Variants in XPOT observed in about 807,000 individuals in gnomAD.
The protein encoded by XPOT is exportin for tRNA, also known as exportin-T.
A neutral mutation model predicts 128.2 loss-of-function variants in XPOT; 34 were observed. The ratio of observed to expected loss-of-function variants is 0.27; its 90% CI spans 0.20 to 0.35. XPOT has a LOEUF of 0.35. Ranked by LOEUF, XPOT falls within the 10% of genes least tolerant of loss-of-function variation. The pLI is 1.00. For missense variants in XPOT, 838 were observed against 1,125.3 expected (o/e 0.74, Z 3.65); for synonymous variants, 348 against 394.3 (o/e 0.88, Z 1.39).
chr12:64,429,940 A>G, intron 16 of XPOT, 109 bp from the exon 17 acceptor site: 1 of 1,009,204 alleles, frequency 9.9e-7, no homozygotes, highest in Non-Finnish European at 1.4e-6. Flanking sequence ...AGTATTTGAC[A>G]TATGAGTTGG....
chr12:64,424,710 A>C lies in XPOT; in HGVS notation c.1294A>C (p.Ser432Arg). 5 of 1,613,832 alleles carry C rather than the reference A, an allele frequency of 3.1e-6. No individual in the cohort carries two copies. Among genetic ancestry groups the C allele is most frequent in the Non-Finnish European group, 4.2e-6 (5 of 1,179,980 alleles). The part of the protein sequence containing the change: ...LLLASVRRVF[S>R]STLQNWQTTR... ...ACTGGCCTCTGTTCGCAGAGTTTTT[A>C]GTTCTACACTGCAGTAAGTTTGTCA... Residue 432 changes from serine (S) to arginine (R), a missense_variant, in exon 12 of 25, where the codon AGT (serine) becomes CGT (arginine). This residue lies in a region of XPOT where 761 missense variants were observed against 988.3 expected (regional missense o/e 0.77). Transcript: ENST00000332707.
Position 64,450,936 on chromosome 12 carries a change from A to G in XPOT, c.*2805A>G, listed in dbSNP as rs1341258182. On this transcript the variant is annotated 3_prime_UTR_variant, in exon 25 of 25. Coordinates refer to ENST00000332707, the MANE Select transcript of XPOT (RefSeq NM_007235.6). ...TGAATGAAGGCCTGTGGCTCAGTTAATCACTCCCACAACTTTGAGCTGTGA... is the reference window on the plus strand; with the variant it reads ...TGAATGAAGGCCTGTGGCTCAGTTAGTCACTCCCACAACTTTGAGCTGTGA... 2 of 152,228 alleles carry G rather than the reference A, an allele frequency of 1.3e-5. No homozygotes were observed. The highest frequency in any genetic ancestry group is 4.8e-5 in the African/African-American group (2 of 41,458). 9.4% of individuals were successfully genotyped at this position (152,228 alleles called of 1,614,324 possible).
chr12:64,441,819 G>A (rs1441790850), intron 23 of XPOT, among the ~76,000 whole-genome samples: 5 of 151,968 alleles, frequency 3.3e-5, no homozygotes, highest in African/African-American at 1.2e-4. Context: ...TTCCTGAGTA[G>A]CTGGGATTAC....
chr12:64,429,133 A>C (rs971310557), intron 16 of XPOT, among the ~76,000 whole-genome samples: 1 of 152,228 alleles, frequency 6.6e-6, no homozygotes, highest in Non-Finnish European at 1.5e-5. Flanking sequence ...TTTCTTGTGT[A>C]CATGCAGTGT....
At chr12:64,433,099 C>G (rs1264688283) in intron 18 of XPOT, among the ~76,000 whole-genome samples, 1 of 152,118 alleles carries the variant, frequency 6.6e-6, no homozygotes, top group Non-Finnish European at 1.5e-5. Context: ...GCGTGCGCCA[C>G]TACACCCAGC....
intron 24 of XPOT, among the ~76,000 whole-genome samples, chr12:64,446,066 TTTTG>T (rs1404452839): frequency 6.6e-6 from 1 of 152,198 alleles, no homozygotes; most frequent in African/African-American, 2.4e-5. Flanking sequence ...GAGGGCTTGT[TTTTG>T]TTTATCATTG....
chr12:64,433,630 G>T, intron 19 of XPOT, 27 bp downstream of exon 19: 3 of 1,552,536 alleles, frequency 1.9e-6, no homozygotes, highest in Non-Finnish European at 2.6e-6. Context: ...TATCTAATTT[G>T]TCTGCTTAAG....
At chr12:64,444,652 T>G (rs61931558) in intron 23 of XPOT, among the ~76,000 whole-genome samples, 18,033 of 151,720 alleles carry the variant, frequency 0.12, 1,220 homozygotes, top group Middle Eastern at 0.22. Flanking sequence ...TAGGGGAAAA[T>G]GGGGAGTTCT....
chr12:64,419,661 C>G (rs1303735832), intron 6 of XPOT, among the ~76,000 whole-genome samples: 1 of 152,136 alleles, frequency 6.6e-6, no homozygotes, highest in Non-Finnish European at 1.5e-5. Context: ...AGTTGATTTT[C>G]TTTTATGAAT....
At position 64,420,638 on chromosome 12, in the gene XPOT, A is replaced by T. The variant is rs564955994; in HGVS notation, c.843+117A>T. On this transcript the variant is annotated intron_variant, in intron 8 of 24. Transcript: ENST00000332707. ...CTAAATGTTATAAACTCCCCTTGAG[A>T]TTATAATATAAACCACTGCATCTAG... 8 of 791,850 alleles carry T rather than the reference A, an allele frequency of 1.0e-5. No homozygotes were observed. In the East Asian group the frequency reaches 1.6e-4, roughly 16 times the overall value. 49.1% of individuals were successfully genotyped at this position (791,850 alleles called of 1,614,324 possible).
rs1453243043 is a variant in XPOT, at chr12:64,419,021, T to C, written c.416T>C (p.Val139Ala). 61 of 1,613,638 alleles carry C rather than the reference T, an allele frequency of 3.8e-5. No individual in the cohort carries two copies. The highest frequency in any genetic ancestry group is 4.7e-5 in the Non-Finnish European group (55 of 1,180,012). Reference protein sequence around the residue: ...LSVVDLNPRGVDLYLRILMAI... With the variant: ...LSVVDLNPRGADLYLRILMAI... ...GTAGTGGACCTAAATCCAAGGGGAG[T>C]AGATCTCTACCTGCGAATCCTCATG... The change falls in exon 6 of 25, where the codon GTA becomes GCA. Residue 139 changes from valine (V) to alanine (A), a missense_variant. Val to Ala is a moderately conservative substitution (Grantham distance 64). Around this residue, in one of 3 missense-constraint regions of XPOT, gnomAD observed 761 missense variants for 988.3 expected, o/e 0.77. Transcript: ENST00000332707.
At position 64,431,555 on chromosome 12, in the gene XPOT, T is replaced by TCAGCAA; in HGVS notation, c.1997_2002dup (p.Ser666_Asn667dup). ...TTATATAGTCGAACCAGTAAAGCTT[T>TCAGCAA]CAGCAACAAACAGACTGTGAAACAA... On this transcript the variant is annotated inframe_insertion, in exon 18 of 25. Transcript: ENST00000332707. 1 of 1,613,674 alleles carries TCAGCAA rather than the reference T, an allele frequency of 6.2e-7. No individual in the cohort carries two copies. Among genetic ancestry groups the TCAGCAA allele is most frequent in the Non-Finnish European group, 8.5e-7 (1 of 1,179,592 alleles).
At chr12:64,420,774 C>G (rs753293041) in intron 8 of XPOT, among the ~76,000 whole-genome samples, 9 of 152,060 alleles carry the variant, frequency 5.9e-5, no homozygotes, top group Non-Finnish European at 1.0e-4. Flanking sequence ...GCTGACACAA[C>G]TTGTTCATAG....
At position 64,417,936 on chromosome 12, in the gene XPOT, A is replaced by G. The variant is rs894034667; in HGVS notation, c.201-110A>G. 4.8e-5 allele frequency: 35 copies of G among 726,274 alleles called. No individual in the cohort carries two copies. In the African/African-American group the frequency reaches 6.2e-4, roughly 13 times the overall value. The allele number at this position is 726,274 out of a possible 1,614,324, so 45.0% of individuals were successfully genotyped here. ...ATCAGTTTATGTTAGGGAACTTCAGATAATTGAGAGCTATACAAATTTTCC... is the reference window on the plus strand; with the variant it reads ...ATCAGTTTATGTTAGGGAACTTCAGGTAATTGAGAGCTATACAAATTTTCC... On this transcript the variant is annotated intron_variant, in intron 4 of 24. Coordinates refer to ENST00000332707, the MANE Select transcript of XPOT (RefSeq NM_007235.6).
rs2040090728 is a variant in XPOT, at chr12:64,416,706, A to T, written c.152A>T (p.His51Leu). ...ALAQRTYSDD[H>L]VKFFCFQVLE... ...CTTTTTTTCTTTTTCAGTGATGATC[A>T]TGTGAAGTTTTTCTGCTTTCAAGTA... The change falls in exon 4 of 25, where the codon CAT becomes CTT. Residue 51 changes from histidine (H) to leucine (L), a missense_variant. Physicochemically the swap from His to Leu is moderately conservative, Grantham distance 99. This residue lies in a region of XPOT where 761 missense variants were observed against 988.3 expected (regional missense o/e 0.77). Transcript: ENST00000332707. 1 of 1,612,868 alleles carries T rather than the reference A, an allele frequency of 6.2e-7. No individual in the cohort carries two copies. The highest frequency in any genetic ancestry group is 8.5e-7 in the Non-Finnish European group (1 of 1,179,368).
At chr12:64,417,300 T>G (rs920256474) in intron 4 of XPOT, among the ~76,000 whole-genome samples, 5 of 152,200 alleles carry the variant, frequency 3.3e-5, no homozygotes, top group African/African-American at 4.8e-5. Context: ...TCTCAGCACT[T>G]TGGGAGTCCA....
At chr12:64,444,471 C>T (rs2040352339) in intron 23 of XPOT, among the ~76,000 whole-genome samples, 1 of 152,100 alleles carries the variant, frequency 6.6e-6, no homozygotes, top group East Asian at 1.9e-4. Flanking sequence ...GAATATTAAG[C>T]CTGATTTATA....
chr12:64,425,252 T>G, intron 13 of XPOT, 70 bp downstream of exon 13: 1 of 1,608,244 alleles, frequency 6.2e-7, no homozygotes, highest in Non-Finnish European at 8.5e-7. Flanking sequence ...AGTTCCTTAA[T>G]TGTTAGAGCT....
At chr12:64,435,069 T>G (rs2040271333) in intron 21 of XPOT, among the ~76,000 whole-genome samples, 160 bp downstream of exon 21, 1 of 152,076 alleles carries the variant, frequency 6.6e-6, no homozygotes, top group East Asian at 1.9e-4. Flanking sequence ...CCTTCTGGAG[T>G]TTTTATGAAT....
Sources: gnomAD v4.1 joint callset for allele counts (sites outside exome capture counted in the v4.1 genomes callset) on GRCh38, gnomAD v4.1.1 for gene constraint, gnomAD v4.1.1 regional missense constraint, MANE v1.5 for transcripts, NCBI Gene and HGNC (gene_info 2026-07-23, HGNC 2026-07-21) for gene names.